The following KIFAP3 variants were observed in gnomAD, a reference collection of about 807,000 sequenced individuals.
The protein encoded by KIFAP3 is kinesin associated protein 3, also known as kinesin-associated protein 3.
Under a neutral mutation model 106.5 loss-of-function variants are expected in KIFAP3, and 68 were observed. The ratio of observed to expected loss-of-function variants is 0.64; its 90% CI spans 0.53 to 0.78. The LOEUF (loss-of-function observed/expected upper bound fraction) is 0.78. Among genes scored for constraint, KIFAP3 ranks in the 30% least tolerant of loss-of-function variants. The probability of loss-of-function intolerance (pLI) is 0.00; values close to 1 mark genes in which losing one functional copy is unlikely to be tolerated. For synonymous variants in KIFAP3, 320 were observed against 311.5 expected (o/e 1.03, Z -0.29); for missense variants, 780 against 941.8 (o/e 0.83, Z 2.25).
chr1:169,937,281 T>A (rs1199422396), intron 19 of KIFAP3, among the ~76,000 whole-genome samples: 1 of 151,816 alleles, frequency 6.6e-6, no homozygotes, highest in African/African-American at 2.4e-5. Context: ...AAGGAAATTT[T>A]AAGTGTTAAA....
intron 1 of KIFAP3, among the ~76,000 whole-genome samples, chr1:170,083,850 A>T (rs900390433): frequency 6.6e-6 from 1 of 152,230 alleles, no homozygotes; most frequent in Non-Finnish European, 1.5e-5. Context: ...TATTGCAAGG[A>T]TACGAAGAGT....
intron 8 of KIFAP3, among the ~76,000 whole-genome samples, chr1:170,028,994 C>G (rs943871638): frequency 2.0e-5 from 3 of 151,776 alleles, no homozygotes; most frequent in Admixed American, 6.6e-5. Context: ...AAATGCTGTT[C>G]ATAAAAAAAC....
chr1:169,977,290 G>A (rs952026678), intron 16 of KIFAP3, among the ~76,000 whole-genome samples: 4 of 152,118 alleles, frequency 2.6e-5, no homozygotes, highest in African/African-American at 9.7e-5. Flanking sequence ...CAGATGGCAG[G>A]ACTGCTTTGC....
chr1:170,057,803 T>C (rs576247286), intron 1 of KIFAP3, among the ~76,000 whole-genome samples: 1 of 152,244 alleles, frequency 6.6e-6, no homozygotes, highest in East Asian at 1.9e-4. Flanking sequence ...TTAATGAATT[T>C]CTATTTGAAG....
intron 11 of KIFAP3, among the ~76,000 whole-genome samples, chr1:169,991,348 A>G (rs1437920070): frequency 6.7e-6 from 1 of 149,398 alleles, no homozygotes; most frequent in Non-Finnish European, 1.5e-5. Context: ...CCTGTCTCAA[A>G]AAAAAAAAAG....
intron 10 of KIFAP3, among the ~76,000 whole-genome samples, chr1:169,996,282 C>T (rs1667370463): frequency 6.6e-6 from 1 of 152,020 alleles, no homozygotes; most frequent in African/African-American, 2.4e-5. Context: ...AATACGTTTC[C>T]AATTTCCTAT....
At chr1:169,978,317 T>C in intron 15 of KIFAP3, 134 bp from the exon 16 acceptor site, 1 of 581,416 alleles carries the variant, frequency 1.7e-6, no homozygotes, top group Non-Finnish European at 3.0e-6. Context: ...GGATTTAACT[T>C]CTATGTTCCT....
At chr1:169,983,992 G>T (rs1026765387) in intron 12 of KIFAP3, among the ~76,000 whole-genome samples, 2 of 151,606 alleles carry the variant, frequency 1.3e-5, no homozygotes, top group African/African-American at 4.8e-5. Context: ...ATTATTTCAA[G>T]ATATTACTAA....
At chr1:170,053,843 C>A (rs773302599) in intron 2 of KIFAP3, among the ~76,000 whole-genome samples, 2 of 152,076 alleles carry the variant, frequency 1.3e-5, no homozygotes, top group Non-Finnish European at 2.9e-5. Context: ...AATGTTAACC[C>A]AAGATGGATT....
chr1:170,070,082 A>G (rs1228748902), intron 1 of KIFAP3, among the ~76,000 whole-genome samples: 1 of 152,124 alleles, frequency 6.6e-6, no homozygotes, highest in African/African-American at 2.4e-5. Context: ...ATCAAAAAGA[A>G]TAAAATACTC....
intron 8 of KIFAP3, among the ~76,000 whole-genome samples, chr1:170,029,763 T>C (rs546215574): frequency 4.6e-5 from 7 of 152,106 alleles, no homozygotes; most frequent in Admixed American, 6.5e-5. Context: ...CACTGTGCTA[T>C]TGGCATCAAA....
intron 19 of KIFAP3, among the ~76,000 whole-genome samples, chr1:169,946,950 T>A (rs1664473235): frequency 6.6e-6 from 1 of 151,984 alleles, no homozygotes; most frequent in South Asian, 2.1e-4. Flanking sequence ...TTTTCCTCAT[T>A]AATTAGAACT....
chr1:169,996,648 C>T (rs1053220349), intron 10 of KIFAP3, among the ~76,000 whole-genome samples: 1 of 152,132 alleles, frequency 6.6e-6, no homozygotes, highest in African/African-American at 2.4e-5. Context: ...GTACTTTTAA[C>T]CAAGCCTTCC....
At chr1:170,042,105 T>C (rs929412068) in intron 3 of KIFAP3, among the ~76,000 whole-genome samples, 1 of 152,180 alleles carries the variant, frequency 6.6e-6, no homozygotes, top group East Asian at 1.9e-4. Flanking sequence ...AAAACTTGGA[T>C]ATTGAGCCAA....
chr1:169,991,294 T>A (rs1364374759), intron 11 of KIFAP3, among the ~76,000 whole-genome samples: 1 of 151,402 alleles, frequency 6.6e-6, no homozygotes, highest in Non-Finnish European at 1.5e-5. Context: ...TCCAGTGAGC[T>A]ATGACTGTAC....
intron 11 of KIFAP3, among the ~76,000 whole-genome samples, chr1:169,985,425 TG>T (rs2101917115): frequency 6.6e-6 from 1 of 151,900 alleles, no homozygotes; most frequent in South Asian, 2.1e-4. Flanking sequence ...ACTGACTAGA[TG>T]TTATGGTTAA....
At chr1:169,976,813 T>C (rs1477700296) in intron 16 of KIFAP3, among the ~76,000 whole-genome samples, 1 of 152,130 alleles carries the variant, frequency 6.6e-6, no homozygotes. Flanking sequence ...ACCTCTCAGG[T>C]TCATGTGATA....
intron 10 of KIFAP3, among the ~76,000 whole-genome samples, chr1:170,007,654 T>C (rs748963471): frequency 5.3e-5 from 8 of 152,114 alleles, no homozygotes; most frequent in Non-Finnish European, 1.2e-4. Context: ...TCCACGCTCA[T>C]GGATAGAAGA....
At chr1:170,050,289 G>C (rs1353381258) in intron 2 of KIFAP3, among the ~76,000 whole-genome samples, 1 of 152,098 alleles carries the variant, frequency 6.6e-6, no homozygotes, top group Non-Finnish European at 1.5e-5. Context: ...GACAAGATTA[G>C]AGAAAAAAGA....
Sources: gnomAD v4.1 joint callset for allele counts (sites outside exome capture counted in the v4.1 genomes callset) on GRCh38, gnomAD v4.1.1 for gene constraint, MANE v1.5 for transcripts, NCBI Gene and HGNC (gene_info 2026-07-23, HGNC 2026-07-21) for gene names.